The following CCDC141 variants were observed in gnomAD, a reference collection of about 807,000 sequenced individuals.
The protein encoded by CCDC141 is coiled-coil domain containing 141.
In CCDC141, 168 loss-of-function variants were observed where a neutral mutation model predicts 181.0. The ratio of observed to expected loss-of-function variants is 0.93; its 90% CI spans 0.82 to 1.05. The LOEUF is 1.05. CCDC141 is among the 50% of genes least tolerant of loss of function. The pLI, the probability that CCDC141 is intolerant of heterozygous loss-of-function variation, is 0.00. For synonymous variants in CCDC141, 666 were observed against 642.3 expected (o/e 1.04, Z -0.56); for missense variants, 1,902 against 1,788.5 (o/e 1.06, Z -1.14).
chr2:178,972,849 A>G (rs1690959178), intron 4 of CCDC141, among the ~76,000 whole-genome samples: 1 of 152,198 alleles, frequency 6.6e-6, no homozygotes, highest in Admixed American at 6.5e-5. Flanking sequence ...TAACTTCCGT[A>G]GTGTTAAAGA....
chr2:178,926,236 C>G (rs1440708602), intron 6 of CCDC141, among the ~76,000 whole-genome samples: 2 of 152,008 alleles, frequency 1.3e-5, no homozygotes, highest in South Asian at 2.1e-4. Context: ...AATTTTGGAA[C>G]CACTGATCCA....
At chr2:178,908,730 C>A (rs1487344429) in intron 7 of CCDC141, among the ~76,000 whole-genome samples, 4 of 152,168 alleles carry the variant, frequency 2.6e-5, no homozygotes. Flanking sequence ...CTCAAGTTTT[C>A]AGTGTGAATG....
At chr2:179,030,144 G>C (rs770908049) in intron 2 of CCDC141, among the ~76,000 whole-genome samples, 2 of 151,844 alleles carry the variant, frequency 1.3e-5, no homozygotes, top group Admixed American at 6.6e-5. Context: ...TCAGAACTTA[G>C]GCTGTCATCT....
chr2:178,919,890 C>T (rs896176398), intron 6 of CCDC141, among the ~76,000 whole-genome samples: 2 of 152,162 alleles, frequency 1.3e-5, no homozygotes, highest in African/African-American at 4.8e-5. Context: ...ATCGGTTTCA[C>T]CTCTCAAGGC....
chr2:179,015,603 A>ATG (rs1363182689), intron 2 of CCDC141, among the ~76,000 whole-genome samples: 3,937 of 63,470 alleles, frequency 0.062, 997 homozygotes, highest in East Asian at 0.13. Flanking sequence ...TGTATCTCAT[A>ATG]TATCTCATAT....
At chr2:178,993,751 A>G (rs1692160872) in intron 2 of CCDC141, among the ~76,000 whole-genome samples, 1 of 152,202 alleles carries the variant, frequency 6.6e-6, no homozygotes, top group African/African-American at 2.4e-5. Context: ...AGCCTGTAAA[A>G]TCAAAAGCAG....
intron 2 of CCDC141, among the ~76,000 whole-genome samples, chr2:179,030,811 C>A (rs1478270569): frequency 6.6e-6 from 1 of 152,030 alleles, no homozygotes; most frequent in Non-Finnish European, 1.5e-5. Flanking sequence ...TAATTGCCTT[C>A]AAACATTTGC....
chr2:178,989,957 T>A (rs543619592), intron 2 of CCDC141, among the ~76,000 whole-genome samples: 3 of 150,436 alleles, frequency 2.0e-5, no homozygotes, highest in African/African-American at 7.3e-5. Flanking sequence ...CTGACCAACA[T>A]GGAGAAACCC....
intron 6 of CCDC141, among the ~76,000 whole-genome samples, chr2:178,919,221 A>C (rs1476972650): frequency 2.0e-5 from 3 of 152,314 alleles, no homozygotes; most frequent in Non-Finnish European, 4.4e-5. Flanking sequence ...ATTGTATACA[A>C]GCCATTCAGT....
At chr2:178,974,332 A>C (rs1455438182) in intron 4 of CCDC141, among the ~76,000 whole-genome samples, 1 of 152,202 alleles carries the variant, frequency 6.6e-6, no homozygotes, top group East Asian at 1.9e-4. Flanking sequence ...TAAAATTAGA[A>C]GACATATTAG....
rs540568860 is a variant in CCDC141 at position 179,000,166 on chromosome 2, T to C, written c.226-21491A>G. Among the ~76,000 whole-genome samples, 10 of 152,208 alleles carry C rather than the reference T, an allele frequency of 6.6e-5. 1 individual carries two copies. Among genetic ancestry groups the C allele is most frequent in the African/African-American group, 2.4e-4 (10 of 41,540 alleles). On this transcript the variant is annotated intron_variant, in intron 2 of 23. Transcript: ENST00000443758. Reference sequence around the variant, plus strand: ...CTTATGATCCAAATCTGTCCTGCCATCTGTTTTTGTATGGCCTGTAAGGTA... The same window carrying C: ...CTTATGATCCAAATCTGTCCTGCCACCTGTTTTTGTATGGCCTGTAAGGTA...
intron 11 of CCDC141, among the ~76,000 whole-genome samples, chr2:178,881,176 G>C (rs912003346): frequency 6.7e-6 from 1 of 149,986 alleles, no homozygotes; most frequent in Non-Finnish European, 1.5e-5. Flanking sequence ...GAAGTAGACA[G>C]GATTATTCCA....
chr2:178,923,373 G>C (rs1046094387), intron 6 of CCDC141, among the ~76,000 whole-genome samples: 37 of 152,088 alleles, frequency 2.4e-4, no homozygotes, highest in African/African-American at 8.9e-4. Flanking sequence ...CAAAGTGCTG[G>C]GATTACAGGC....
At chr2:178,835,097 C>T (rs1266441389) in intron 23 of CCDC141, among the ~76,000 whole-genome samples, 7 of 152,100 alleles carry the variant, frequency 4.6e-5, no homozygotes, top group Admixed American at 1.3e-4. Context: ...AAATGGCACC[C>T]TCATGTTGTC....
In CCDC141 at chr2:178,984,853, A is replaced by G. The variant is rs530050693; in HGVS notation, c.226-6178T>C. On this transcript the variant is annotated intron_variant, in intron 2 of 23. Transcript: ENST00000443758. ...GACCTACGAAGAGACTTAGACTCCCACACATTAATAATGGGAGACTTTAAC... is the reference window on the plus strand; with the variant it reads ...GACCTACGAAGAGACTTAGACTCCCGCACATTAATAATGGGAGACTTTAAC... Among the ~76,000 whole-genome samples the G allele has an allele frequency of 1.8e-3, 267 of 152,148 alleles. 5 individuals carry two copies. The South Asian group carries it at 0.022, about 13-fold the overall frequency.
chr2:178,971,145 T>G (rs1690867116), intron 4 of CCDC141, among the ~76,000 whole-genome samples: 1 of 151,456 alleles, frequency 6.6e-6, no homozygotes, highest in South Asian at 2.1e-4. Flanking sequence ...GAGGTGGAGG[T>G]CGCAGTGATC....
chr2:179,028,814 C>T (rs182304854), intron 2 of CCDC141, among the ~76,000 whole-genome samples: 41 of 152,270 alleles, frequency 2.7e-4, no homozygotes, highest in Middle Eastern at 3.4e-3. Context: ...TAAATTCCAA[C>T]GTCTATTAAT....
rs558620602 is a variant in CCDC141 at position 178,871,289 on chromosome 2, G to C, written c.2205+138C>G. ...AAAAAGTAAGAAAAATGTCTCTACA[G>C]TGGATTTTTAGACAAGCAATACTTT... On this transcript the variant is annotated intron_variant, in intron 14 of 23. Transcript: ENST00000443758. 153 of 1,019,156 alleles carry C rather than the reference G, an allele frequency of 1.5e-4. 1 individual carries two copies. The South Asian group carries it at 2.4e-3, about 16-fold the overall frequency. The allele number at this position is 1,019,156 out of a possible 1,614,324, so 63.1% of individuals were successfully genotyped here. A position where few individuals can be genotyped will look rare whatever the true frequency, so the allele number is the denominator to read the frequency against.
At chr2:178,871,032 G>GGGACCCAGGGCAGC (rs1403946392) in intron 14 of CCDC141, among the ~76,000 whole-genome samples, 1 of 152,078 alleles carries the variant, frequency 6.6e-6, no homozygotes, top group African/African-American at 2.4e-5. Context: ...GGTCACCTCA[G>GGGACCCAGGGCAGC]GGACCCAGGG....
Sources: allele counts gnomAD v4.1 joint callset (sites outside exome capture counted in the v4.1 genomes callset), GRCh38; gene constraint gnomAD v4.1.1; transcripts MANE v1.5; gene names NCBI Gene and HGNC (gene_info 2026-07-23, HGNC 2026-07-21).